PPARGC1B: variants seen among roughly 807,000 people sequenced by gnomAD.
The protein encoded by PPARGC1B is PPARG coactivator 1 beta.
In PPARGC1B, 34 loss-of-function variants were observed where a neutral mutation model predicts 101.6. That is an observed-to-expected ratio of 0.33 (90% CI 0.25 to 0.45). The LOEUF (loss-of-function observed/expected upper bound fraction) is 0.45, where lower values mean the gene tolerates loss of function less well. Among genes scored for constraint, PPARGC1B ranks in the 20% least tolerant of loss-of-function variants. The probability of loss-of-function intolerance (pLI) is 1.00; values close to 1 mark genes in which losing one functional copy is unlikely to be tolerated. For synonymous variants in PPARGC1B, 548 were observed against 539.3 expected (o/e 1.02, Z -0.22); for missense variants, 1,234 against 1,317.6 (o/e 0.94, Z 0.98).
chr5:149,824,811 T>TG (rs2113370175), intron 2 of PPARGC1B, among the ~76,000 whole-genome samples: 2 of 152,334 alleles, frequency 1.3e-5, no homozygotes, highest in South Asian at 4.1e-4. Flanking sequence ...CCCCAGGGCC[T>TG]GGGTCAGGCC....
At chr5:149,830,133 T>G (rs1256085957) in intron 3 of PPARGC1B, among the ~76,000 whole-genome samples, 1 of 147,342 alleles carries the variant, frequency 6.8e-6, no homozygotes, top group Non-Finnish European at 1.5e-5. Flanking sequence ...CACCTCATGA[T>G]AGGTTCACCG....
Position 149,845,869 on chromosome 5 carries a change from T to C in PPARGC1B, c.2926T>C (p.Tyr976His). Residue 976 changes from tyrosine to histidine, a missense_variant, in exon 11 of 12, where the codon TAC (tyrosine) becomes CAC (histidine). Coordinates refer to ENST00000309241, the MANE Select transcript of PPARGC1B (RefSeq NM_133263.4). ...KRNEPSFQLS[Y>H]GGLRHFCWPR... is the part of the protein sequence containing the mutation. ...CAACGAGCCCTCCTTCCAGCTGAGC[T>C]ACGGAGGGCTCCGGCACTTCTGCTG... 1 of 1,614,086 alleles carries C rather than the reference T, an allele frequency of 6.2e-7. No homozygotes were observed. The highest frequency in any genetic ancestry group is 2.2e-5 in the East Asian group (1 of 44,890).
At chr5:149,803,182 C>T (rs926561610) in intron 1 of PPARGC1B, among the ~76,000 whole-genome samples, 34 of 152,094 alleles carry the variant, frequency 2.2e-4, no homozygotes, top group Admixed American at 2.6e-4. Flanking sequence ...AGGGACTTGT[C>T]CCAAATCTCA....
intron 1 of PPARGC1B, among the ~76,000 whole-genome samples, chr5:149,767,765 C>T (rs1430836610): frequency 6.6e-6 from 1 of 151,564 alleles, no homozygotes; most frequent in African/African-American, 2.4e-5. Context: ...TCTACACCAG[C>T]GGTCTCCAAC....
At chr5:149,746,929 G>A (rs1325068034) in intron 1 of PPARGC1B, among the ~76,000 whole-genome samples, 2 of 152,110 alleles carry the variant, frequency 1.3e-5, no homozygotes, top group African/African-American at 4.8e-5. Context: ...TCATTTGCCT[G>A]TATTTTAAAA....
At chr5:149,776,334 A>C (rs75490353) in intron 1 of PPARGC1B, among the ~76,000 whole-genome samples, 1 of 152,292 alleles carries the variant, frequency 6.6e-6, no homozygotes, top group East Asian at 1.9e-4. Context: ...ATTCTGCCTT[A>C]TGCAGCGTTT....
At chr5:149,806,475 GCTCCCTCGGTCT>G (rs1156825903) in intron 1 of PPARGC1B, among the ~76,000 whole-genome samples, 1 of 152,150 alleles carries the variant, frequency 6.6e-6, no homozygotes, top group African/African-American at 2.4e-5. Flanking sequence ...CCCTGGCCCT[GCTCCCTCGGTCT>G]CTCCTGCCAG....
At chr5:149,749,379 A>G (rs1440377336) in intron 1 of PPARGC1B, among the ~76,000 whole-genome samples, 1 of 152,204 alleles carries the variant, frequency 6.6e-6, no homozygotes, top group Non-Finnish European at 1.5e-5. Context: ...TCACTGTTGT[A>G]GGAACTGGAC....
rs569548633 is a variant in PPARGC1B, at chr5:149,733,001, A to G, written c.78+2581A>G. 1.1e-4 allele frequency: 22 copies of G among 208,760 alleles called. No individual in the cohort carries two copies. In the Middle Eastern group the frequency reaches 4.1e-3, roughly 39 times the overall value. The allele number at this position is 208,760 out of a possible 1,614,324, so 12.9% of individuals were successfully genotyped here. A position where few individuals can be genotyped will look rare whatever the true frequency, so the allele number is the denominator to read the frequency against. ...CAAATGGGGCTGGTGGTGCCGCAAG[A>G]GAATCCAATGGCCTGGTGGTGGGGG... On this transcript the variant is annotated intron_variant, in intron 1 of 11. Coordinates refer to ENST00000309241, the MANE Select transcript of PPARGC1B (RefSeq NM_133263.4).
At chr5:149,830,049 AAAAAAG>A (rs1233761592) in intron 3 of PPARGC1B, among the ~76,000 whole-genome samples, 13 of 120,066 alleles carry the variant, frequency 1.1e-4, no homozygotes, top group African/African-American at 3.6e-4. Flanking sequence ...AAAAAAAAAA[AAAAAAG>A]AAAAAAAAAA....
intron 1 of PPARGC1B, among the ~76,000 whole-genome samples, chr5:149,785,204 CACA>C (rs1756755688): frequency 2.6e-5 from 4 of 152,198 alleles, no homozygotes; most frequent in East Asian, 1.9e-4. Flanking sequence ...CTCCAGTCCA[CACA>C]ACAAGAGATT....
At chr5:149,802,932 G>T (rs752648663) in intron 1 of PPARGC1B, among the ~76,000 whole-genome samples, 4 of 152,150 alleles carry the variant, frequency 2.6e-5, no homozygotes, top group Admixed American at 6.5e-5. Context: ...ATAGGGAGGA[G>T]CCAGCAGAGC....
intron 1 of PPARGC1B, among the ~76,000 whole-genome samples, chr5:149,763,779 C>T (rs1402132378): frequency 6.6e-6 from 1 of 152,002 alleles, no homozygotes; most frequent in Non-Finnish European, 1.5e-5. Flanking sequence ...CATTTCTCTG[C>T]CTTTTTTTCT....
chr5:149,855,376 T>C (rs17110624), downstream of PPARGC1B, among the ~76,000 whole-genome samples: 6,025 of 152,322 alleles, frequency 0.04, 385 homozygotes, highest in African/African-American at 0.14. Flanking sequence ...AGCTGTTCCA[T>C]GAACGACTTT....
chr5:149,732,664 G>T (rs946392240), intron 1 of PPARGC1B, among the ~76,000 whole-genome samples: 1 of 152,216 alleles, frequency 6.6e-6, no homozygotes, highest in Non-Finnish European at 1.5e-5. Flanking sequence ...GTAATTGATA[G>T]GATGAGCTTT....
Position 149,757,513 on chromosome 5 carries a change from A to G in PPARGC1B, c.78+27093A>G, listed in dbSNP as rs557778418. ...AATGAGTAAAATCTACAAGGCCTCG[A>G]TAAGTGGCAGAACCGAGGCCTTCCT... On this transcript the variant is annotated intron_variant, in intron 1 of 11. Transcript: ENST00000309241. Among the ~76,000 whole-genome samples, 3 of 152,334 alleles carry G rather than the reference A, an allele frequency of 2.0e-5. No homozygotes were observed. In the South Asian group the frequency reaches 6.2e-4, roughly 32 times the overall value.
chr5:149,794,026 T>C (rs1757116475), intron 1 of PPARGC1B, among the ~76,000 whole-genome samples: 1 of 152,258 alleles, frequency 6.6e-6, no homozygotes, highest in African/African-American at 2.4e-5. Flanking sequence ...GTGTTGTCTG[T>C]GGCTGCTTTT....
chr5:149,839,182 A>G (rs560365621), intron 8 of PPARGC1B, among the ~76,000 whole-genome samples: 4 of 152,192 alleles, frequency 2.6e-5, no homozygotes, highest in Non-Finnish European at 5.9e-5. Context: ...AAGCATTGAC[A>G]TGCACTTTTA....
chr5:149,751,009 A>G (rs1020916221), intron 1 of PPARGC1B, among the ~76,000 whole-genome samples: 3 of 134,870 alleles, frequency 2.2e-5, no homozygotes, highest in Admixed American at 7.7e-5. Context: ...ATGTTTTACT[A>G]TAACACAGAC....
Sources: gnomAD v4.1 joint callset for allele counts (sites outside exome capture counted in the v4.1 genomes callset) on GRCh38, gnomAD v4.1.1 for gene constraint, MANE v1.5 for transcripts, NCBI Gene and HGNC (gene_info 2026-07-23, HGNC 2026-07-21) for gene names.